The following CD28 variants were observed in gnomAD, a reference collection of about 807,000 sequenced individuals.
CD28 encodes T-cell-specific surface glycoprotein CD28.
Under a neutral mutation model 21.4 loss-of-function variants are expected in CD28, and 8 were observed. The observed-to-expected ratio is 0.37, with a 90% CI of 0.22 to 0.68. The LOEUF (loss-of-function observed/expected upper bound fraction) is 0.68. Among genes scored for constraint, CD28 ranks in the 30% least tolerant of loss-of-function variants. The pLI, the probability that CD28 is intolerant of heterozygous loss-of-function variation, is 0.55. For missense variants in CD28, 239 were observed against 272.2 expected (o/e 0.88, Z 0.86); for synonymous variants, 106 against 104.0 (o/e 1.02, Z -0.12).
Position 203,726,662 on chromosome 2 carries a change from A to T in CD28, c.82A>T (p.Met28Leu), listed in dbSNP as rs771698017. Residue 28 changes from methionine (M) to leucine (L), a missense_variant, in exon 2 of 4, where the codon ATG becomes TTG. Physicochemically the swap from Met to Leu is conservative, Grantham distance 15. Coordinates refer to ENST00000324106, the MANE Select transcript of CD28 (RefSeq NM_006139.4). ...CAAGATTTTGGTGAAGCAGTCGCCC[A>T]TGCTTGTAGCGTACGACAATGCGGT... is the stretch of plus-strand genomic sequence containing the variant. ...GNKILVKQSP[M>L]LVAYDNAVNL... 5 of 1,611,602 alleles carry T rather than the reference A, an allele frequency of 3.1e-6. No homozygotes were observed. In the African/African-American group the frequency reaches 5.3e-5, roughly 17 times the overall value.
rs1406172271 is a variant in CD28 at position 203,738,896 on chromosome 2, T to G, written c.*3984T>G. ...AGCAGTGCCTGGTATATAATAAATA[T>G]TTATTGACTGAGTGAATGAGTTTTA... On this transcript the variant is annotated 3_prime_UTR_variant, in exon 4 of 4. Transcript: ENST00000324106. 3 of 152,174 alleles carry G rather than the reference T, an allele frequency of 2.0e-5. No individual in the cohort carries two copies. Among genetic ancestry groups the G allele is most frequent in the Non-Finnish European group, 4.4e-5 (3 of 68,026 alleles). 9.4% of individuals were successfully genotyped at this position (152,174 alleles called of 1,614,324 possible).
Position 203,736,008 on chromosome 2 carries a change from A to AAACAACAACAACAACAAC in CD28, c.*1111_*1128dup, listed in dbSNP as rs55817478. On this transcript the variant is annotated 3_prime_UTR_variant, in exon 4 of 4. Coordinates refer to ENST00000324106, the MANE Select transcript of CD28 (RefSeq NM_006139.4). ...GGGCGACAGAGTGAGACTCCATCTC[A>AAACAACAACAACAACAAC]AACAACAACAACAACAACAACAACA... 2.4e-4 allele frequency: 37 copies of AAACAACAACAACAACAAC among 151,792 alleles called. No individual in the cohort carries two copies. Among genetic ancestry groups the AAACAACAACAACAACAAC allele is most frequent in the African/African-American group, 7.8e-4 (32 of 41,264 alleles). The allele number at this position is 151,792 out of a possible 1,614,324, so 9.4% of individuals were successfully genotyped here.
intron 1 of CD28, among the ~76,000 whole-genome samples, chr2:203,720,249 C>T (rs985217115): frequency 6.6e-6 from 1 of 152,128 alleles, no homozygotes. Context: ...GTCTCCACAC[C>T]TTTAGCTGGT....
rs201090295 is a variant in CD28 at position 203,726,829 on chromosome 2, G to T, written c.249G>T (p.Gly83=). 80 of 1,614,034 alleles carry T rather than the reference G, an allele frequency of 5.0e-5. No individual in the cohort carries two copies. The highest frequency in any genetic ancestry group is 6.1e-5 in the Non-Finnish European group (72 of 1,180,028). The stretch of plus-strand genomic sequence containing the variant: ...AGCTTCAGGTTTACTCAAAAACGGG[G>T]TTCAACTGTGATGGGAAATTGGGCA... ...SQQLQVYSKT[G]FNCDGKLGNE... Residue 83 remains glycine, a synonymous_variant, in exon 2 of 4, where the codon GGG becomes GGT. Transcript: ENST00000324106.
chr2:203,729,524 C>G lies in CD28; in HGVS notation c.410-124C>G, dbSNP rs41412947. 2.3e-3 allele frequency: 2,400 copies of G among 1,035,808 alleles called. 45 individuals are homozygous for G. The African/African-American group carries it at 0.035, about 15-fold the overall frequency. The allele number at this position is 1,035,808 out of a possible 1,614,324, so 64.2% of individuals were successfully genotyped here. On this transcript the variant is annotated intron_variant, in intron 2 of 3. Transcript: ENST00000324106. ...AAGTCTCAAAGAGGAAATCTATTCA[C>G]TCTAAGCTGGTGATATGTTTAATAT...
chr2:203,726,725 A>C lies in CD28; in HGVS notation c.145A>C (p.Arg49=). ...SCKYSYNLFS[R]EFRASLHKGL... is the part of the protein sequence containing the mutation. The stretch of plus-strand genomic sequence containing the variant: ...CAAGTATTCCTACAATCTCTTCTCA[A>C]GGGAGTTCCGGGCATCCCTTCACAA... Residue 49 remains arginine, a synonymous_variant, in exon 2 of 4, where the codon AGG becomes CGG. Coordinates refer to ENST00000324106, the MANE Select transcript of CD28 (RefSeq NM_006139.4). 6.2e-7 allele frequency: 1 copy of C among 1,614,128 alleles called. No homozygotes were observed. Among genetic ancestry groups the C allele is most frequent in the Non-Finnish European group, 8.5e-7 (1 of 1,180,008 alleles).
chr2:203,737,719 C>A lies in CD28; in HGVS notation c.*2807C>A, dbSNP rs191804121. The A allele has an allele frequency of 7.2e-5, 11 of 152,646 alleles. No individual in the cohort carries two copies. Among genetic ancestry groups the A allele is most frequent in the African/African-American group, 2.6e-4 (11 of 41,554 alleles). The allele number at this position is 152,646 out of a possible 1,614,324, so 9.5% of individuals were successfully genotyped here. A position where few individuals can be genotyped will look rare whatever the true frequency, so the allele number is the denominator to read the frequency against. On this transcript the variant is annotated 3_prime_UTR_variant, in exon 4 of 4. Coordinates refer to ENST00000324106, the MANE Select transcript of CD28 (RefSeq NM_006139.4). ...TGTAAGAGTCTTATAATTAATGGTA[C>A]TCCTATAATTTTTGATTGTGAGCTC...
intron 1 of CD28, among the ~76,000 whole-genome samples, chr2:203,717,371 G>T (rs1163059745): frequency 2.0e-5 from 3 of 152,158 alleles, no homozygotes; most frequent in African/African-American, 7.2e-5. Flanking sequence ...TTCTGTCATG[G>T]TGGCCTCCAC....
intron 1 of CD28, among the ~76,000 whole-genome samples, chr2:203,717,473 C>T (rs1381285917): frequency 6.6e-6 from 1 of 152,202 alleles, no homozygotes; most frequent in Non-Finnish European, 1.5e-5. Flanking sequence ...TGCTGCAAGT[C>T]ACAGGCTCTG....
chr2:203,728,479 T>C (rs1302922899), intron 2 of CD28, among the ~76,000 whole-genome samples: 2 of 152,192 alleles, frequency 1.3e-5, no homozygotes, highest in African/African-American at 4.8e-5. Flanking sequence ...AATCCTAGCA[T>C]AATGCCAATG....
chr2:203,708,948 C>T (rs968894860), intron 1 of CD28, among the ~76,000 whole-genome samples: 2 of 152,006 alleles, frequency 1.3e-5, no homozygotes, highest in Non-Finnish European at 2.9e-5. Flanking sequence ...GGTGAAATCC[C>T]ATCTCTACTA....
chr2:203,707,597 A>G (rs2106105807), intron 1 of CD28, among the ~76,000 whole-genome samples: 1 of 152,350 alleles, frequency 6.6e-6, no homozygotes, highest in African/African-American at 2.4e-5. Context: ...GTTCCCAATG[A>G]CGATGATGAG....
chr2:203,724,340 A>G (rs531258315), intron 1 of CD28, among the ~76,000 whole-genome samples: 1 of 152,264 alleles, frequency 6.6e-6, no homozygotes, highest in East Asian at 1.9e-4. Flanking sequence ...TATACTAAAA[A>G]ATCTCTGAAT....
chr2:203,723,934 G>A (rs1047359672), intron 1 of CD28, among the ~76,000 whole-genome samples: 1 of 152,160 alleles, frequency 6.6e-6, no homozygotes, highest in African/African-American at 2.4e-5. Flanking sequence ...ACAAAAATCT[G>A]TATGCAAATG....
chr2:203,720,588 T>G (rs1693581167), intron 1 of CD28, among the ~76,000 whole-genome samples: 1 of 152,226 alleles, frequency 6.6e-6, no homozygotes, highest in African/African-American at 2.4e-5. Context: ...AGCTACATAT[T>G]TGGGTTTCTT....
In CD28 at chr2:203,735,235, A is replaced by G. The variant is rs1402546676; in HGVS notation, c.*323A>G. 1 of 293,206 alleles carries G rather than the reference A, an allele frequency of 3.4e-6. No homozygotes were observed. Among genetic ancestry groups the G allele is most frequent in the African/African-American group, 2.2e-5 (1 of 45,202 alleles). 18.2% of individuals were successfully genotyped at this position (293,206 alleles called of 1,614,324 possible). ...ATTCTGGGAGCCTCTTCCCTTTCTC[A>G]CTCACCTGCACATCTCAGTCAAGCA... On this transcript the variant is annotated 3_prime_UTR_variant, in exon 4 of 4. Transcript: ENST00000324106.
Position 203,726,803 on chromosome 2 carries a change from C to G in CD28, c.223C>G (p.Gln75Glu), listed in dbSNP as rs373696798. 1 of 1,614,024 alleles carries G rather than the reference C, an allele frequency of 6.2e-7. No individual in the cohort carries two copies. Among genetic ancestry groups the G allele is most frequent in the Non-Finnish European group, 8.5e-7 (1 of 1,180,036 alleles). Residue 75 changes from glutamine to glutamate, a missense_variant, in exon 2 of 4, where the codon CAG becomes GAG. By Grantham distance (29) the Gln-to-Glu change is conservative (BLOSUM62 2). Coordinates refer to ENST00000324106, the MANE Select transcript of CD28 (RefSeq NM_006139.4). ...TGTTGTATATGGGAATTACTCCCAG[C>G]AGCTTCAGGTTTACTCAAAAACGGG... is the stretch of plus-strand genomic sequence containing the variant. ...VCVVYGNYSQ[Q>E]LQVYSKTGFN...
At position 203,734,991 on chromosome 2, in the gene CD28, C is replaced by G; in HGVS notation, c.*79C>G. ...CACTGCTCTGGATAGGAAATGACCGCCATCTCCAGCCGGCCACCTCAGGCC... is the reference window on the plus strand; with the variant it reads ...CACTGCTCTGGATAGGAAATGACCGGCATCTCCAGCCGGCCACCTCAGGCC... On this transcript the variant is annotated 3_prime_UTR_variant, in exon 4 of 4. Coordinates refer to ENST00000324106, the MANE Select transcript of CD28 (RefSeq NM_006139.4). 6.5e-7 allele frequency: 1 copy of G among 1,531,204 alleles called. No individual in the cohort carries two copies. The highest frequency in any genetic ancestry group is 8.8e-7 in the Non-Finnish European group (1 of 1,134,548). 94.9% of individuals were successfully genotyped at this position (1,531,204 alleles called of 1,614,324 possible).
intron 1 of CD28, among the ~76,000 whole-genome samples, chr2:203,719,432 C>T (rs1401479174): frequency 6.6e-6 from 1 of 152,188 alleles, no homozygotes; most frequent in African/African-American, 2.4e-5. Context: ...TAATCTCCTC[C>T]CTAACCCTCA....
Sources: allele counts gnomAD v4.1 joint callset (sites outside exome capture counted in the v4.1 genomes callset), GRCh38; gene constraint gnomAD v4.1.1; transcripts MANE v1.5; gene names NCBI Gene and HGNC (gene_info 2026-07-23, HGNC 2026-07-21).